MIA2: variants seen among roughly 807,000 people sequenced by gnomAD.
MIA2 encodes melanoma inhibitory activity protein 2.
MIA2 carries 127 observed loss-of-function variants against 167.8 expected under a neutral mutation model. The observed-to-expected ratio is 0.76, with a 90% CI of 0.66 to 0.88. The LOEUF (loss-of-function observed/expected upper bound fraction) is 0.88. Ranked by LOEUF, MIA2 falls within the 40% of genes least tolerant of loss-of-function variation. MIA2 has a pLI of 0.00. For missense variants in MIA2, 1,690 were observed against 1,624.7 expected (o/e 1.04, Z -0.69); for synonymous variants, 552 against 541.9 (o/e 1.02, Z -0.26).
chr14:39,321,191 A>G (rs2066362769), intron 24 of MIA2, 135 bp downstream of exon 24: 2 of 823,764 alleles, frequency 2.4e-6, no homozygotes, highest in African/African-American at 1.7e-5. Context: ...GATAACTTTT[A>G]TTTGGAAAAG....
At chr14:39,235,843 T>G (rs1489867178) in intron 1 of MIA2, among the ~76,000 whole-genome samples, 1 of 152,156 alleles carries the variant, frequency 6.6e-6, no homozygotes, top group Non-Finnish European at 1.5e-5. Flanking sequence ...TCATTTTAGT[T>G]TCCTTAGGGC....
intron 1 of MIA2, among the ~76,000 whole-genome samples, chr14:39,235,786 A>G (rs1195689731): frequency 6.6e-6 from 1 of 152,114 alleles, no homozygotes; most frequent in East Asian, 1.9e-4. Context: ...TCAAAAAAAT[A>G]TATATAAAGA....
In MIA2 at chr14:39,294,032, A is replaced by C; in HGVS notation, c.2352A>C (p.Leu784=). The change falls in exon 12 of 29, where the codon CTA becomes CTC. Residue 784 remains leucine, a synonymous_variant. Coordinates refer to ENST00000640607, the MANE Select transcript of MIA2 (RefSeq NM_001329214.4). The part of the protein sequence containing the change: ...MADISKRIQS[L]EDESKSLKSQ... ...ATATTTCAAAAAGGATACAGTCTCT[A>C]GAAGATGAGTCAAAATCCCTCAAAT... 1 of 1,612,426 alleles carries C rather than the reference A, an allele frequency of 6.2e-7. No homozygotes were observed. Among genetic ancestry groups the C allele is most frequent in the Non-Finnish European group, 8.5e-7 (1 of 1,179,058 alleles).
intron 6 of MIA2, among the ~76,000 whole-genome samples, chr14:39,260,291 C>T (rs1040335519): frequency 6.6e-6 from 1 of 152,326 alleles, no homozygotes; most frequent in Admixed American, 6.5e-5. Flanking sequence ...CACTGTCTTC[C>T]ACAGTGGTTG....
chr14:39,288,465 A>G (rs1268211159), intron 9 of MIA2, among the ~76,000 whole-genome samples: 1,471 of 42,618 alleles, frequency 0.035, 222 homozygotes, highest in African/African-American at 0.15. Context: ...ATATATATAT[A>G]TATATATATA....
intron 6 of MIA2, among the ~76,000 whole-genome samples, chr14:39,259,267 C>T (rs528072655): frequency 6.6e-6 from 1 of 152,220 alleles, no homozygotes; most frequent in Admixed American, 6.5e-5. Flanking sequence ...AACTGGGGCT[C>T]TTACCTTTCC....
rs772630363 is a variant in MIA2 at position 39,293,271 on chromosome 14, G to A, written c.2209G>A (p.Ala737Thr). Residue 737 changes from alanine (A) to threonine (T), a missense_variant and splice_region_variant, in exon 11 of 29, where the codon GCA (alanine) becomes ACA (threonine). Transcript: ENST00000640607. ...TAATAAAGTTGGCTTTCTCTCTTAG[G>A]CAACCTGTGAAAAGCTGAACAGGTC... ...KEATEAQSLE[A>T]TCEKLNRSNS... is the part of the protein sequence containing the mutation. The A allele has an allele frequency of 1.2e-6, 2 of 1,604,044 alleles. No homozygotes were observed. The highest frequency in any genetic ancestry group is 3.4e-5 in the Admixed American group (2 of 59,202).
chr14:39,268,915 G>A (rs1197176767), intron 6 of MIA2: 1 of 776,406 alleles, frequency 1.3e-6, no homozygotes, highest in African/African-American at 1.9e-5. Flanking sequence ...TTTTTAGAAA[G>A]AGAAGCATAT....
chr14:39,359,951 A>G (rs1202632133), intron 23 of MIA2, among the ~76,000 whole-genome samples: 1 of 150,776 alleles, frequency 6.6e-6, no homozygotes, highest in Non-Finnish European at 1.5e-5. Flanking sequence ...TCCTACCAAC[A>G]GTGTATAAAA....
chr14:39,381,027 A>AC (rs199639831), intron 23 of MIA2, among the ~76,000 whole-genome samples: 11,255 of 151,364 alleles, frequency 0.074, 523 homozygotes, highest in South Asian at 0.17. Context: ...AAAAACAAAA[A>AC]AAAAAAAAAC....
chr14:39,298,488 G>A (rs2061818157), intron 13 of MIA2, among the ~76,000 whole-genome samples: 1 of 122,482 alleles, frequency 8.2e-6, no homozygotes, highest in Non-Finnish European at 1.7e-5. Context: ...TGAAGCCTTA[G>A]TTTTGCGGAG....
At chr14:39,276,472 T>C (rs187480045) in intron 6 of MIA2, 1 of 155,234 alleles carries the variant, frequency 6.4e-6, no homozygotes, top group African/African-American at 2.4e-5. Flanking sequence ...AACTTGTTTT[T>C]ATTTTTTGAG....
chr14:39,302,103 AT>A, intron 14 of MIA2, 25 bp from the exon 15 acceptor site: 1 of 1,608,764 alleles, frequency 6.2e-7, no homozygotes, highest in Non-Finnish European at 8.5e-7. Context: ...TACCCTCTCT[AT>A]TTTTCCCCTT....
intron 23 of MIA2, chr14:39,385,944 A>G: frequency 1.2e-6 from 1 of 825,424 alleles, no homozygotes; most frequent in African/African-American, 1.7e-5. Context: ...GGAGAGACAC[A>G]CTGAGAGGAG....
chr14:39,234,350 T>C (rs2053637161), intron 1 of MIA2, 121 bp downstream of exon 1: 1 of 567,418 alleles, frequency 1.8e-6, no homozygotes, highest in Non-Finnish European at 3.0e-6. Flanking sequence ...ATTTGGATTA[T>C]GAAGTACAGC....
chr14:39,267,130 C>T (rs2055892897), intron 6 of MIA2: 3 of 1,153,088 alleles, frequency 2.6e-6, no homozygotes, highest in Admixed American at 4.6e-5. Context: ...TCCGCGCCTC[C>T]CCGCCTTCTC....
chr14:39,236,776 G>T, intron 1 of MIA2, 146 bp from the exon 2 acceptor site: 1 of 716,412 alleles, frequency 1.4e-6, no homozygotes, highest in Admixed American at 3.1e-5. Context: ...GCAGTGGGAA[G>T]GCTATGTAGG....
intron 9 of MIA2, among the ~76,000 whole-genome samples, chr14:39,283,512 G>C (rs892718367): frequency 6.6e-6 from 1 of 152,088 alleles, no homozygotes; most frequent in Non-Finnish European, 1.5e-5. Context: ...CCTGCTCTAT[G>C]CCTTTCTCTT....
intron 28 of MIA2, 97 bp downstream of exon 28, chr14:39,349,074 A>G (rs2073998661): frequency 2.8e-6 from 4 of 1,413,218 alleles, no homozygotes; most frequent in Non-Finnish European, 2.9e-6. Flanking sequence ...ACAGTGGAGG[A>G]AAGTTTTTTC....
Sources: gnomAD v4.1 joint callset for allele counts (sites outside exome capture counted in the v4.1 genomes callset) on GRCh38, gnomAD v4.1.1 for gene constraint, MANE v1.5 for transcripts, NCBI Gene and HGNC (gene_info 2026-07-23, HGNC 2026-07-21) for gene names.